Variants in MED12L observed in about 807,000 individuals in gnomAD.
The protein encoded by MED12L is mediator complex subunit 12L.
MED12L carries 60 observed loss-of-function variants against 281.3 expected under a neutral mutation model. The ratio of observed to expected loss-of-function variants is 0.21; its 90% CI spans 0.17 to 0.26. The LOEUF is 0.26. Ranked by LOEUF, MED12L falls within the 10% of genes least tolerant of loss-of-function variation. The pLI, the probability that MED12L is intolerant of heterozygous loss-of-function variation, is 1.00. For synonymous variants in MED12L, 974 were observed against 987.2 expected, an observed-to-expected ratio of 0.99 and a Z score of 0.25; for missense variants, 2,146 against 2,680.9, an observed-to-expected ratio of 0.80 and a Z score of 4.41.
chr3:151,366,677 C>G (rs1415587338), intron 23 of MED12L, among the ~76,000 whole-genome samples: 2 of 152,048 alleles, frequency 1.3e-5, no homozygotes, highest in Non-Finnish European at 2.9e-5. Context: ...ATCTTTACAC[C>G]TGCCTCTCAG....
chr3:151,355,084 A>C, intron 17 of MED12L, 37 bp from the exon 18 acceptor site: 1 of 1,498,218 alleles, frequency 6.7e-7, no homozygotes, highest in Admixed American at 1.8e-5. Flanking sequence ...AGCTTCTATT[A>C]AATGGAAAAT....
chr3:151,232,455 G>C (rs898385181), intron 16 of MED12L, among the ~76,000 whole-genome samples: 10 of 152,328 alleles, frequency 6.6e-5, no homozygotes, highest in African/African-American at 2.2e-4. Flanking sequence ...CAGAGGAATA[G>C]AAATCATCCT....
intron 5 of MED12L, among the ~76,000 whole-genome samples, chr3:151,139,272 A>G (rs1373693579): frequency 6.6e-6 from 1 of 152,082 alleles, no homozygotes; most frequent in Non-Finnish European, 1.5e-5. Flanking sequence ...TTTCTGTTCC[A>G]ATCCTATAAT....
intron 16 of MED12L, chr3:151,198,771 G>A (rs781352121): frequency 6.2e-7 from 1 of 1,613,382 alleles, no homozygotes; most frequent in Non-Finnish European, 8.5e-7. Flanking sequence ...TTTCTGTAGA[G>A]CTGTCGAATT....
intron 27 of MED12L, among the ~76,000 whole-genome samples, chr3:151,374,735 T>C (rs1163864634): frequency 6.6e-6 from 1 of 152,220 alleles, no homozygotes; most frequent in Non-Finnish European, 1.5e-5. Flanking sequence ...AGAACTAGGT[T>C]CATTTGGTTT....
At chr3:151,322,023 C>A (rs1749056219) in intron 16 of MED12L, among the ~76,000 whole-genome samples, 1 of 152,180 alleles carries the variant, frequency 6.6e-6, no homozygotes, top group Non-Finnish European at 1.5e-5. Context: ...AGGCTGAGTT[C>A]TCTGGCCTGT....
intron 11 of MED12L, among the ~76,000 whole-genome samples, chr3:151,179,375 A>C (rs1053865196): frequency 1.3e-5 from 2 of 152,056 alleles, no homozygotes; most frequent in Non-Finnish European, 2.9e-5. Flanking sequence ...AGAAACATAT[A>C]CTTTATTTGG....
chr3:151,261,535 A>G (rs1738882062), intron 16 of MED12L: 1 of 152,136 alleles, frequency 6.6e-6, no homozygotes, highest in Non-Finnish European at 1.5e-5. Context: ...AAATGCCCAC[A>G]TAACTCCTTA....
At chr3:151,376,651 A>C in intron 28 of MED12L, 149 bp from the exon 29 acceptor site, 1 of 667,398 alleles carries the variant, frequency 1.5e-6, no homozygotes, top group Admixed American at 3.0e-5. Context: ...ATATATATGC[A>C]GCAAGATTGG....
chr3:151,294,366 A>C, intron 16 of MED12L: 1 of 1,614,062 alleles, frequency 6.2e-7, no homozygotes, highest in Non-Finnish European at 8.5e-7. Flanking sequence ...TCTTTGCAGT[A>C]ATATAGGATT....
chr3:151,192,612 A>G lies in MED12L; in HGVS notation c.2031A>G (p.Val677=), dbSNP rs769882963. 103 of 1,536,306 alleles carry G rather than the reference A, an allele frequency of 6.7e-5. No individual in the cohort carries two copies. In the African/African-American group the frequency reaches 1.3e-3, roughly 19 times the overall value. Reference sequence around the variant, plus strand: ...GAACCACTAACATTTTTGATGAAGTAGACAAGAGTGACTTTAAAACTGACT... The same window carrying G: ...GAACCACTAACATTTTTGATGAAGTGGACAAGAGTGACTTTAAAACTGACT... ...DSGTTNIFDE[V]DKSDFKTDFG... is the part of the protein sequence containing the mutation. The change falls in exon 15 of 45, where the codon GTA becomes GTG. Residue 677 remains valine, a synonymous_variant. Coordinates refer to ENST00000687756, the MANE Select transcript of MED12L (RefSeq NM_001393769.1).
intron 14 of MED12L, among the ~76,000 whole-genome samples, chr3:151,192,150 A>G (rs1233262473): frequency 2.0e-5 from 3 of 152,160 alleles, no homozygotes; most frequent in Admixed American, 6.5e-5. Context: ...ACCTGTTTAC[A>G]TGTTTTCTAT....
intron 16 of MED12L, among the ~76,000 whole-genome samples, chr3:151,250,295 AT>A (rs1346288626): frequency 6.6e-6 from 1 of 152,186 alleles, no homozygotes; most frequent in Non-Finnish European, 1.5e-5. Flanking sequence ...TACACATAAC[AT>A]TTGCCACCTT....
intron 23 of MED12L, 151 bp downstream of exon 23, chr3:151,366,142 T>G: frequency 1.7e-6 from 1 of 601,936 alleles, no homozygotes; most frequent in South Asian, 4.6e-5. Flanking sequence ...TAAACCACAA[T>G]GACATTGCCA....
intron 13 of MED12L, among the ~76,000 whole-genome samples, chr3:151,189,141 A>T (rs2149089272): frequency 6.6e-6 from 1 of 152,340 alleles, no homozygotes; most frequent in East Asian, 1.9e-4. Context: ...AGTCAAAAGC[A>T]ATAGAAAGAG....
intron 16 of MED12L, among the ~76,000 whole-genome samples, chr3:151,231,559 T>C (rs535162798): frequency 6.6e-6 from 1 of 152,280 alleles, no homozygotes; most frequent in South Asian, 2.1e-4. Flanking sequence ...TATGAAACAT[T>C]TGATAAAGCA....
chr3:151,376,852 T>A lies in MED12L; in HGVS notation c.4106T>A (p.Ile1369Asn). 6.2e-7 allele frequency: 1 copy of A among 1,614,072 alleles called. No individual in the cohort carries two copies. The highest frequency in any genetic ancestry group is 8.5e-7 in the Non-Finnish European group (1 of 1,179,948). ...TCCTGGTTAGAACTCCAGCTAATGA[T>A]CAAACAGTGCTTGAAGGACCCTGTG... ...RQSWLELQLM[I>N]KQCLKDPGSG... The change falls in exon 29 of 45, where the codon ATC becomes AAC. Residue 1369 changes from isoleucine to asparagine, a missense_variant. Physicochemically the swap from Ile to Asn is moderately radical, Grantham distance 149. Coordinates refer to ENST00000687756, the MANE Select transcript of MED12L (RefSeq NM_001393769.1).
intron 4 of MED12L, among the ~76,000 whole-genome samples, chr3:151,125,478 T>A (rs138205882): frequency 5.1e-4 from 77 of 152,352 alleles, no homozygotes; most frequent in African/African-American, 1.8e-3. Flanking sequence ...CTCTGCCAAT[T>A]GTAGTTCAAA....
At chr3:151,137,087 G>C (rs1434232876) in intron 5 of MED12L, among the ~76,000 whole-genome samples, 2 of 151,386 alleles carry the variant, frequency 1.3e-5, no homozygotes, top group Non-Finnish European at 2.9e-5. Flanking sequence ...GCTTGAACCT[G>C]GGAGGCGGAG....
Sources: gnomAD v4.1 joint callset for allele counts (sites outside exome capture counted in the v4.1 genomes callset) on GRCh38, gnomAD v4.1.1 for gene constraint, MANE v1.5 for transcripts, NCBI Gene and HGNC (gene_info 2026-07-23, HGNC 2026-07-21) for gene names.